The following IARS2 variants were observed in gnomAD, a reference collection of about 807,000 sequenced individuals.
The protein encoded by IARS2 is isoleucyl-tRNA synthetase 2, mitochondrial.
IARS2 carries 56 observed loss-of-function variants against 126.3 expected under a neutral mutation model. The ratio of observed to expected loss-of-function variants is 0.44; its 90% confidence interval spans 0.36 to 0.55. IARS2 has a LOEUF of 0.55. IARS2 is among the 20% of genes least tolerant of loss of function. The probability of loss-of-function intolerance (pLI) is 0.00; values close to 1 mark genes in which losing one functional copy is unlikely to be tolerated. For missense variants in IARS2, 1,127 were observed against 1,245.9 expected (o/e 0.90, Z 1.44); for synonymous variants, 407 against 441.1 (o/e 0.92, Z 0.97).
chr1:220,101,559 A>G (rs1480259799), intron 3 of IARS2, among the ~76,000 whole-genome samples: 2 of 152,058 alleles, frequency 1.3e-5, no homozygotes, highest in Admixed American at 6.5e-5. Flanking sequence ...ATAATTAGCC[A>G]GGTATGGTGG....
At position 220,136,921 on chromosome 1, in the gene IARS2, T is replaced by C; in HGVS notation, c.2049+10T>C. 1 of 1,522,024 alleles carries C rather than the reference T, an allele frequency of 6.6e-7. No individual in the cohort carries two copies. The highest frequency in any genetic ancestry group is 1.1e-5 in the South Asian group (1 of 87,046). 94.3% of individuals were successfully genotyped at this position (1,522,024 alleles called of 1,614,324 possible). ...CGTTAATGGAGGACAAGTAGGTGATTCTCTAAAATGTATTTTATTTTCGTT... is the reference window on the plus strand; with the variant it reads ...CGTTAATGGAGGACAAGTAGGTGATCCTCTAAAATGTATTTTATTTTCGTT... On this transcript the variant is annotated intron_variant, in intron 16 of 22. Coordinates refer to ENST00000366922, the MANE Select transcript of IARS2 (RefSeq NM_018060.4).
chr1:220,146,288 G>A (rs1158655532), intron 22 of IARS2, among the ~76,000 whole-genome samples: 2 of 152,010 alleles, frequency 1.3e-5, no homozygotes, highest in African/African-American at 4.8e-5. Flanking sequence ...AGGCCGAGGC[G>A]GGCGGATCGT....
At chr1:220,133,796 A>G (rs530323691) in intron 14 of IARS2, among the ~76,000 whole-genome samples, 1 of 152,326 alleles carries the variant, frequency 6.6e-6, no homozygotes, top group African/African-American at 2.4e-5. Flanking sequence ...AGAGGAAAAG[A>G]TGCATCTTTT....
At position 220,107,963 on chromosome 1, in the gene IARS2, CT is replaced by C. The variant is rs1247045395; in HGVS notation, c.1327+815del. ...ACTCAGGTTGATGTGCAGTGGCATGCTTTCAGCTCACTGCCACCTCTGTGTC... is the reference window on the plus strand; with the variant it reads ...ACTCAGGTTGATGTGCAGTGGCATGCTTCAGCTCACTGCCACCTCTGTGTC... On this transcript the variant is annotated intron_variant, in intron 10 of 22. Coordinates refer to ENST00000366922, the MANE Select transcript of IARS2 (RefSeq NM_018060.4). 3.9e-5 allele frequency among the ~76,000 whole-genome samples: 6 copies of C among 152,190 alleles called. No individual in the cohort carries two copies. In the South Asian group the frequency reaches 1.0e-3, roughly 26 times the overall value.
intron 22 of IARS2, among the ~76,000 whole-genome samples, chr1:220,146,291 C>T (rs1008456407): frequency 7.9e-5 from 12 of 151,778 alleles, no homozygotes; most frequent in African/African-American, 1.9e-4. Context: ...CCGAGGCGGG[C>T]GGATCGTGAG....
chr1:220,139,023 C>G lies in IARS2; in HGVS notation c.2191C>G (p.Arg731Gly), dbSNP rs778503863. Residue 731 changes from arginine (R) to glycine (G), a missense_variant, in exon 18 of 23, where the codon CGC becomes GGC. Coordinates refer to ENST00000366922, the MANE Select transcript of IARS2 (RefSeq NM_018060.4). ...DDISKLRNTLRFLLGNVADFN... is the reference protein window; with the variant it reads ...DDISKLRNTLGFLLGNVADFN... Reference sequence around the variant, plus strand: ...CTATGAATAGCTTAGGAATACACTTCGCTTTCTTTTGGGAAATGTGGCTGA... The same window carrying G: ...CTATGAATAGCTTAGGAATACACTTGGCTTTCTTTTGGGAAATGTGGCTGA... The G allele has an allele frequency of 6.2e-7, 1 of 1,613,254 alleles. No homozygotes were observed. The highest frequency in any genetic ancestry group is 2.2e-5 in the East Asian group (1 of 44,816).
intron 12 of IARS2, among the ~76,000 whole-genome samples, chr1:220,122,632 G>T (rs1444557385): frequency 6.6e-6 from 1 of 152,144 alleles, no homozygotes; most frequent in Non-Finnish European, 1.5e-5. Context: ...CATTTCTCAA[G>T]ACCCACTGTG....
Position 220,094,499 on chromosome 1 carries a change from C to T in IARS2, c.267+16C>T, listed in dbSNP as rs540255419. On this transcript the variant is annotated intron_variant, in intron 1 of 22. Transcript: ENST00000366922. ...GATCCAGCAGGTACGGGCCCCGCCT[C>T]GGCGCGGGGCCTCCAGAGAGGCCCG... is the stretch of plus-strand genomic sequence containing the variant. 8.9e-6 allele frequency: 14 copies of T among 1,568,678 alleles called. No homozygotes were observed. In the East Asian group the frequency reaches 2.8e-4, roughly 32 times the overall value.
At position 220,100,594 on chromosome 1, in the gene IARS2, A is replaced by G; in HGVS notation, c.495A>G (p.Leu165=). Residue 165 remains leucine, a synonymous_variant, in exon 3 of 23, where the codon TTA becomes TTG. Transcript: ENST00000366922. ...CHGLPIEIKV[L]SELGREAQNL... ...GGTTGCCCATTGAAATAAAAGTATTATCAGAACTTGGTAGAGAAGCTCAGA... is the reference window on the plus strand; with the variant it reads ...GGTTGCCCATTGAAATAAAAGTATTGTCAGAACTTGGTAGAGAAGCTCAGA... 1 of 1,612,988 alleles carries G rather than the reference A, an allele frequency of 6.2e-7. No homozygotes were observed. Among genetic ancestry groups the G allele is most frequent in the Non-Finnish European group, 8.5e-7 (1 of 1,179,146 alleles).
rs375005263 is a variant in IARS2, at chr1:220,107,056, T to C, written c.1237-5T>C. 43 of 1,575,588 alleles carry C rather than the reference T, an allele frequency of 2.7e-5. No individual in the cohort carries two copies. The highest frequency in any genetic ancestry group is 2.3e-4 in the Admixed American group (14 of 59,954). The stretch of plus-strand genomic sequence containing the variant: ...ATTTTAATTGTTCAAAATGATACTT[T>C]ATAGGATTGTCTAGTGGACGAAGAT... On this transcript the variant is annotated splice_region_variant and splice_polypyrimidine_tract_variant and intron_variant, in intron 9 of 22. Coordinates refer to ENST00000366922, the MANE Select transcript of IARS2 (RefSeq NM_018060.4).
chr1:220,098,673 A>C (rs1656502236), intron 2 of IARS2, among the ~76,000 whole-genome samples: 1 of 152,218 alleles, frequency 6.6e-6, no homozygotes, highest in African/African-American at 2.4e-5. Flanking sequence ...AAATGAAAGG[A>C]ACAGAGATAA....
At chr1:220,143,561 GAC>G (rs1657530453) in intron 21 of IARS2, among the ~76,000 whole-genome samples, 1 of 152,120 alleles carries the variant, frequency 6.6e-6, no homozygotes, top group African/African-American at 2.4e-5. Flanking sequence ...CTATTTAGAA[GAC>G]AGGGGACATA....
At chr1:220,144,165 A>G (rs1334822563) in intron 21 of IARS2, 3 of 798,648 alleles carry the variant, frequency 3.8e-6, no homozygotes, top group Non-Finnish European at 6.7e-6. Context: ...TGAGGTTCAC[A>G]ACAATTTTCC....
chr1:220,100,743 G>T, intron 3 of IARS2, 94 bp downstream of exon 3: 1 of 949,802 alleles, frequency 1.1e-6, no homozygotes, highest in Non-Finnish European at 1.5e-6. Flanking sequence ...TTTTGTTTGG[G>T]TTTCGTTTGC....
At position 220,104,257 on chromosome 1, in the gene IARS2, G is replaced by A. The variant is rs549336483; in HGVS notation, c.1066+695G>A. Among the ~76,000 whole-genome samples, 11 of 152,322 alleles carry A rather than the reference G, an allele frequency of 7.2e-5. No homozygotes were observed. In the South Asian group the frequency reaches 8.3e-4, roughly 11 times the overall value. Reference sequence around the variant, plus strand: ...CTGCCAAAGTGCTGGGATTAAAGGCGTAAGCCACTGTGCCTAGCCCAAAAT... The same window carrying A: ...CTGCCAAAGTGCTGGGATTAAAGGCATAAGCCACTGTGCCTAGCCCAAAAT... On this transcript the variant is annotated intron_variant, in intron 8 of 22. Coordinates refer to ENST00000366922, the MANE Select transcript of IARS2 (RefSeq NM_018060.4).
At chr1:220,111,953 C>T (rs923731014) in intron 11 of IARS2, among the ~76,000 whole-genome samples, 4 of 151,604 alleles carry the variant, frequency 2.6e-5, no homozygotes, top group Admixed American at 2.6e-4. Context: ...CTAAGTCTGA[C>T]GCAATATATT....
At chr1:220,128,607 A>G (rs1233862977) in intron 14 of IARS2, among the ~76,000 whole-genome samples, 1 of 152,200 alleles carries the variant, frequency 6.6e-6, no homozygotes, top group Non-Finnish European at 1.5e-5. Flanking sequence ...CAATACCACT[A>G]CTTAAGGTAG....
At chr1:220,102,808 A>G (rs1250129527) in intron 7 of IARS2, 31 bp downstream of exon 7, 2 of 1,217,078 alleles carry the variant, frequency 1.6e-6, no homozygotes, top group African/African-American at 3.0e-5. Flanking sequence ...TTTGTTTTAT[A>G]CACAAATAGA....
At chr1:220,111,051 ATTTAGTT>A in intron 11 of IARS2, 114 bp downstream of exon 11, 1 of 931,888 alleles carries the variant, frequency 1.1e-6, no homozygotes. Context: ...TGCTATTATG[ATTTAGTT>A]TCATAACATT....
Sources: allele counts gnomAD v4.1 joint callset (sites outside exome capture counted in the v4.1 genomes callset), GRCh38; gene constraint gnomAD v4.1.1; transcripts MANE v1.5; gene names NCBI Gene and HGNC (gene_info 2026-07-23, HGNC 2026-07-21).